Variants in PTPRD observed in about 807,000 individuals in gnomAD.
PTPRD encodes receptor-type tyrosine-protein phosphatase delta.
PTPRD carries 34 observed loss-of-function variants against 214.5 expected under a neutral mutation model. That is an observed-to-expected ratio of 0.16 (90% confidence interval 0.12 to 0.21). The LOEUF is 0.21. Ranked by LOEUF, PTPRD falls within the 10% of genes least tolerant of loss-of-function variation. The pLI, the probability that PTPRD is intolerant of heterozygous loss-of-function variation, is 1.00. For missense variants in PTPRD, 2,545 were observed against 2,398.7 expected (o/e 1.06, Z -1.27); for synonymous variants, 1,128 against 845.7 (o/e 1.33, Z -5.79).
chr9:8,347,354 C>G (rs926534795), intron 39 of PTPRD, among the ~76,000 whole-genome samples: 1 of 152,084 alleles, frequency 6.6e-6, no homozygotes, highest in African/African-American at 2.4e-5. Flanking sequence ...ACTCTGTCGC[C>G]TACTATTCCA....
At chr9:9,279,347 T>G (rs1316812017) in intron 9 of PTPRD, among the ~76,000 whole-genome samples, 1 of 147,658 alleles carries the variant, frequency 6.8e-6, no homozygotes, top group Non-Finnish European at 1.5e-5. Context: ...TAAATTTATA[T>G]ATATATATAT....
At chr9:9,840,423 A>G (rs1355183808) in intron 5 of PTPRD, among the ~76,000 whole-genome samples, 1 of 152,114 alleles carries the variant, frequency 6.6e-6, no homozygotes, top group Non-Finnish European at 1.5e-5. Context: ...TTCAGTCTTC[A>G]AGTTAAACTT....
At chr9:8,395,203 C>T (rs2090781013) in intron 36 of PTPRD, among the ~76,000 whole-genome samples, 1 of 152,146 alleles carries the variant, frequency 6.6e-6, no homozygotes, top group East Asian at 1.9e-4. Context: ...TACTCAAGAC[C>T]CGACAGAGCA....
chr9:8,515,448 A>G (rs1027218852), intron 21 of PTPRD, among the ~76,000 whole-genome samples: 9 of 152,218 alleles, frequency 5.9e-5, no homozygotes, highest in Admixed American at 5.2e-4. Context: ...GCATCCCACA[A>G]AAATCCATAT....
At chr9:8,779,691 C>A (rs1366923859) in intron 11 of PTPRD, among the ~76,000 whole-genome samples, 1 of 152,216 alleles carries the variant, frequency 6.6e-6, no homozygotes, top group Non-Finnish European at 1.5e-5. Context: ...GCACGGTAAA[C>A]AAGCTTCTAT....
chr9:9,353,255 T>G (rs973542021), intron 9 of PTPRD, among the ~76,000 whole-genome samples: 1 of 151,920 alleles, frequency 6.6e-6, no homozygotes, highest in Non-Finnish European at 1.5e-5. Context: ...AAAGTAACAT[T>G]TTCAGTGCAG....
chr9:10,472,389 A>G (rs533185447), intron 2 of PTPRD, among the ~76,000 whole-genome samples: 3 of 152,226 alleles, frequency 2.0e-5, no homozygotes, highest in African/African-American at 7.2e-5. Context: ...GTAACTTTGC[A>G]TTCAAGAATT....
At chr9:9,223,626 C>G (rs1262834297) in intron 9 of PTPRD, among the ~76,000 whole-genome samples, 1 of 151,930 alleles carries the variant, frequency 6.6e-6, no homozygotes, top group Non-Finnish European at 1.5e-5. Context: ...AAGAACATCT[C>G]TCTATGAAAG....
intron 3 of PTPRD, among the ~76,000 whole-genome samples, chr9:10,160,265 C>A (rs140808977): frequency 2.6e-5 from 4 of 152,102 alleles, no homozygotes; most frequent in African/African-American, 9.6e-5. Context: ...TGAATACATT[C>A]CTGGGCACAT....
intron 2 of PTPRD, among the ~76,000 whole-genome samples, chr9:10,487,684 A>C (rs1036263280): frequency 4.0e-5 from 6 of 151,776 alleles, no homozygotes; most frequent in Non-Finnish European, 5.9e-5. Flanking sequence ...GGGGAATGAC[A>C]CATAACAGGG....
intron 7 of PTPRD, among the ~76,000 whole-genome samples, chr9:9,697,651 T>C (rs1198001076): frequency 1.3e-5 from 2 of 152,160 alleles, no homozygotes; most frequent in African/African-American, 2.4e-5. Flanking sequence ...AATTATTATA[T>C]GCCTTGGGGT....
intron 12 of PTPRD, among the ~76,000 whole-genome samples, chr9:8,709,951 C>G (rs2098295055): frequency 6.6e-6 from 1 of 152,164 alleles, no homozygotes; most frequent in Admixed American, 6.5e-5. Flanking sequence ...GTATGAATCA[C>G]AGCTTATTAT....
chr9:9,308,654 G>A (rs906418440), intron 9 of PTPRD, among the ~76,000 whole-genome samples: 1 of 152,130 alleles, frequency 6.6e-6, no homozygotes, highest in African/African-American at 2.4e-5. Context: ...AAAATGGATT[G>A]AAAGTAGCTT....
chr9:10,298,664 G>T lies in PTPRD; in HGVS notation c.-545+42299C>A, dbSNP rs112906380. ...CATGATTGTGATGCCTTCTTTCAAA[G>T]AAATGAAAATTTACATATATACATA... On this transcript the variant is annotated intron_variant, in intron 3 of 45. Coordinates refer to ENST00000381196, the MANE Select transcript of PTPRD (RefSeq NM_002839.4). Among the ~76,000 whole-genome samples, 183 of 151,930 alleles carry T rather than the reference G, an allele frequency of 1.2e-3. 2 individuals carry two copies. Among genetic ancestry groups the T allele is most frequent in the Admixed American group, 5.2e-3 (80 of 15,240 alleles).
intron 2 of PTPRD, among the ~76,000 whole-genome samples, chr9:10,370,502 C>A (rs1383023972): frequency 6.6e-6 from 1 of 151,978 alleles, no homozygotes; most frequent in Non-Finnish European, 1.5e-5. Flanking sequence ...TACTAAACTT[C>A]TACATGTTTG....
Position 9,503,465 on chromosome 9 carries a change from G to T in PTPRD, c.-237+71267C>A, listed in dbSNP as rs193030150. ...TCAATAGGGGGCTTAGGTTCAAATGGGCGCTCAAGTATCTGGGCTCATAAC... is the reference window on the plus strand; with the variant it reads ...TCAATAGGGGGCTTAGGTTCAAATGTGCGCTCAAGTATCTGGGCTCATAAC... On this transcript the variant is annotated intron_variant, in intron 8 of 45. Coordinates refer to ENST00000381196, the MANE Select transcript of PTPRD (RefSeq NM_002839.4). Among the ~76,000 whole-genome samples the T allele has an allele frequency of 2.0e-5, 3 of 151,486 alleles. No homozygotes were observed. In the Admixed American group the frequency reaches 2.0e-4, roughly 10 times the overall value.
At chr9:10,555,331 C>T (rs914141662) in intron 2 of PTPRD, among the ~76,000 whole-genome samples, 4 of 152,084 alleles carry the variant, frequency 2.6e-5, no homozygotes, top group Non-Finnish European at 2.9e-5. Flanking sequence ...AAATAAAATT[C>T]GCAAAACGTT....
intron 2 of PTPRD, among the ~76,000 whole-genome samples, chr9:10,381,139 A>T (rs2154483786): frequency 6.6e-6 from 1 of 151,818 alleles, no homozygotes; most frequent in South Asian, 2.1e-4. Context: ...ACCCTGTATT[A>T]TTTTTTAAAT....
intron 12 of PTPRD, among the ~76,000 whole-genome samples, chr9:8,732,066 A>G (rs751286271): frequency 1.3e-5 from 2 of 152,242 alleles, no homozygotes; most frequent in Non-Finnish European, 2.9e-5. Context: ...ACTACACAGC[A>G]TAAGAAGTGT....
Sources: gnomAD v4.1 joint callset for allele counts (sites outside exome capture counted in the v4.1 genomes callset) on GRCh38, gnomAD v4.1.1 for gene constraint, MANE v1.5 for transcripts, NCBI Gene and HGNC (gene_info 2026-07-23, HGNC 2026-07-21) for gene names.